Variants in GNG2 observed in about 807,000 individuals in gnomAD.
The protein encoded by GNG2 is guanine nucleotide-binding protein G(I)/G(S)/G(O) subunit gamma-2.
GNG2 carries 5 observed loss-of-function variants against 5.5 expected under a neutral mutation model. That is an observed-to-expected ratio of 0.91 (90% CI 0.48 to 1.92). The LOEUF is 1.92. Among genes scored for constraint, GNG2 ranks in the 30% most tolerant of loss-of-function variants. The pLI, the probability that GNG2 is intolerant of heterozygous loss-of-function variation, is 0.01. For synonymous variants in GNG2, 28 were observed against 32.0 expected, an observed-to-expected ratio of 0.88 and a Z score of 0.42; for missense variants, 55 against 88.4, an observed-to-expected ratio of 0.62 and a Z score of 1.52.
At chr14:51,928,326 G>A (rs1406951350) in intron 2 of GNG2, among the ~76,000 whole-genome samples, 1 of 151,966 alleles carries the variant, frequency 6.6e-6, no homozygotes, top group Non-Finnish European at 1.5e-5. Flanking sequence ...GCTCACGCCT[G>A]TAATTTCATG....
intron 3 of GNG2, among the ~76,000 whole-genome samples, chr14:51,959,022 T>G (rs1889440414): frequency 6.6e-6 from 1 of 152,334 alleles, no homozygotes; most frequent in South Asian, 2.1e-4. Flanking sequence ...GATTGATGAC[T>G]CATTGTGCCT....
rs1001080724 is a variant in GNG2, at chr14:51,911,919, G to A, written c.-30+34262G>A. Among the ~76,000 whole-genome samples, 10 of 147,594 alleles carry A rather than the reference G, an allele frequency of 6.8e-5. 1 individual carries two copies. Among genetic ancestry groups the A allele is most frequent in the Non-Finnish European group, 1.2e-4 (8 of 67,466 alleles). ...TTAAAGGAGTTGAATCATGAAAAGGGCTTTATATAAAGTAATTGCTTAGTA... is the reference window on the plus strand; with the variant it reads ...TTAAAGGAGTTGAATCATGAAAAGGACTTTATATAAAGTAATTGCTTAGTA... On this transcript the variant is annotated intron_variant, in intron 2 of 3. Coordinates refer to ENST00000556766, the MANE Select transcript of GNG2 (RefSeq NM_053064.5).
At chr14:51,890,510 G>A (rs1342898095) in intron 2 of GNG2, among the ~76,000 whole-genome samples, 1 of 152,108 alleles carries the variant, frequency 6.6e-6, no homozygotes, top group Non-Finnish European at 1.5e-5. Flanking sequence ...TTTTCCCAAG[G>A]TGACTTGGAA....
At chr14:51,926,464 C>CA (rs1360673458) in intron 2 of GNG2, among the ~76,000 whole-genome samples, 1 of 152,112 alleles carries the variant, frequency 6.6e-6, no homozygotes, top group Admixed American at 6.6e-5. Flanking sequence ...TTTCAGGAGT[C>CA]AGAGTAGGAA....
chr14:51,950,979 C>T (rs1461806115), intron 3 of GNG2, among the ~76,000 whole-genome samples: 1 of 151,822 alleles, frequency 6.6e-6, no homozygotes, highest in Non-Finnish European at 1.5e-5. Flanking sequence ...AACCTAACAA[C>T]ACAACACAAA....
At chr14:51,936,785 CTCTCA>C (rs907359799) in intron 2 of GNG2, among the ~76,000 whole-genome samples, 6 of 152,178 alleles carry the variant, frequency 3.9e-5, no homozygotes, top group African/African-American at 1.4e-4. Context: ...ACAAGGGATC[CTCTCA>C]TCTCAGCCTC....
chr14:51,907,404 A>C (rs1238899490), intron 2 of GNG2, among the ~76,000 whole-genome samples: 1 of 152,266 alleles, frequency 6.6e-6, no homozygotes, highest in Non-Finnish European at 1.5e-5. Context: ...GGTCTTAAGT[A>C]GAAGTATAAC....
rs1200718389 is a variant in GNG2 at position 51,966,860 on chromosome 14, C to T, written c.*173C>T. 39 of 511,698 alleles carry T rather than the reference C, an allele frequency of 7.6e-5. No individual in the cohort carries two copies. Among genetic ancestry groups the T allele is most frequent in the Middle Eastern group, 5.2e-4 (1 of 1,922 alleles). The allele number at this position is 511,698 out of a possible 1,614,324, so 31.7% of individuals were successfully genotyped here. A position where few individuals can be genotyped will look rare whatever the true frequency, so the allele number is the denominator to read the frequency against. On this transcript the variant is annotated 3_prime_UTR_variant, in exon 4 of 4. Transcript: ENST00000556766. Reference sequence around the variant, plus strand: ...TGGTCCCCTTTATGAGAATGCAAGCCGATCCACATCCTGACTTAAGAGATC... The same window carrying T: ...TGGTCCCCTTTATGAGAATGCAAGCTGATCCACATCCTGACTTAAGAGATC...
intron 2 of GNG2, among the ~76,000 whole-genome samples, chr14:51,829,276 C>T (rs1594827105): frequency 1.3e-5 from 2 of 152,168 alleles, no homozygotes; most frequent in Admixed American, 6.5e-5. Flanking sequence ...CATCTGCTGG[C>T]TTTCCAGCTT....
At chr14:51,928,395 CA>C (rs937829678) in intron 2 of GNG2, among the ~76,000 whole-genome samples, 1 of 152,158 alleles carries the variant, frequency 6.6e-6, no homozygotes, top group African/African-American at 2.4e-5. Context: ...CTGACAAGAA[CA>C]GATAATATCA....
chr14:51,906,683 G>T (rs1382882419), intron 2 of GNG2, among the ~76,000 whole-genome samples: 1 of 151,158 alleles, frequency 6.6e-6, no homozygotes, highest in Non-Finnish European at 1.5e-5. Flanking sequence ...TGTCACACTG[G>T]CATCTCCCTA....
chr14:51,877,120 A>T (rs1458843349), intron 1 of GNG2, among the ~76,000 whole-genome samples: 1 of 152,122 alleles, frequency 6.6e-6, no homozygotes, highest in East Asian at 1.9e-4. Context: ...TACTCTTATA[A>T]CCACCAACGT....
chr14:51,954,501 C>T (rs1475274629), intron 3 of GNG2, among the ~76,000 whole-genome samples: 1 of 152,160 alleles, frequency 6.6e-6, no homozygotes, highest in African/African-American at 2.4e-5. Flanking sequence ...TCTGTTTATT[C>T]ATCATTGTAT....
intron 2 of GNG2, among the ~76,000 whole-genome samples, chr14:51,921,996 A>G (rs1432200821): frequency 1.3e-5 from 2 of 152,266 alleles, no homozygotes; most frequent in Non-Finnish European, 2.9e-5. Flanking sequence ...TTTCTTTAGC[A>G]TTTTCTTCAT....
At chr14:51,837,626 G>C (rs934309057) in intron 2 of GNG2, among the ~76,000 whole-genome samples, 1 of 144,874 alleles carries the variant, frequency 6.9e-6, no homozygotes, top group African/African-American at 2.6e-5. Flanking sequence ...CAGCCTGGGT[G>C]ACAGGGTGAG....
chr14:51,891,216 C>A (rs1884835059), intron 2 of GNG2, among the ~76,000 whole-genome samples: 1 of 152,158 alleles, frequency 6.6e-6, no homozygotes, highest in South Asian at 2.1e-4. Context: ...TTTAATAAAT[C>A]TGTGTCCTAC....
intron 3 of GNG2, among the ~76,000 whole-genome samples, chr14:51,964,685 A>G (rs1287911333): frequency 6.6e-6 from 1 of 152,176 alleles, no homozygotes; most frequent in African/African-American, 2.4e-5. Flanking sequence ...TGATTTCTCT[A>G]CCCAACCAGT....
intron 2 of GNG2, among the ~76,000 whole-genome samples, chr14:51,852,662 C>T (rs532445168): frequency 1.3e-5 from 2 of 152,344 alleles, no homozygotes; most frequent in East Asian, 3.9e-4. Flanking sequence ...TTGAGACTTA[C>T]AATTGTACTC....
intron 2 of GNG2, among the ~76,000 whole-genome samples, chr14:51,905,013 T>G (rs1885822975): frequency 6.6e-6 from 1 of 152,194 alleles, no homozygotes; most frequent in African/African-American, 2.4e-5. Flanking sequence ...AAAATATTTT[T>G]TCTTTTGCCA....
Sources: allele counts gnomAD v4.1 joint callset (sites outside exome capture counted in the v4.1 genomes callset), GRCh38; gene constraint gnomAD v4.1.1; transcripts MANE v1.5; gene names NCBI Gene and HGNC (gene_info 2026-07-23, HGNC 2026-07-21).